SEMA3A: variants seen among roughly 807,000 people sequenced by gnomAD.
SEMA3A encodes the protein semaphorin 3A.
A neutral mutation model predicts 97.9 loss-of-function variants in SEMA3A; 29 were observed. The ratio of observed to expected loss-of-function variants is 0.30; its 90% CI spans 0.22 to 0.40. SEMA3A has a LOEUF of 0.40. Ranked by LOEUF, SEMA3A falls within the 10% of genes least tolerant of loss-of-function variation. The pLI is 1.00. For missense variants in SEMA3A, 763 were observed against 951.3 expected (o/e 0.80, Z 2.60); for synonymous variants, 321 against 323.7 (o/e 0.99, Z 0.09).
chr7:84,389,605 T>C (rs574158929), intron 1 of SEMA3A, among the ~76,000 whole-genome samples: 90 of 152,176 alleles, frequency 5.9e-4, no homozygotes, highest in South Asian at 1.0e-3. Context: ...ATCCTAAACA[T>C]ACCTGCTAAA....
chr7:84,074,225 T>C (rs888903160), intron 4 of SEMA3A, among the ~76,000 whole-genome samples: 1 of 152,156 alleles, frequency 6.6e-6, no homozygotes, highest in Non-Finnish European at 1.5e-5. Flanking sequence ...CTGTATGAAA[T>C]TTCCTTACTT....
intron 3 of SEMA3A, among the ~76,000 whole-genome samples, chr7:84,258,073 T>C (rs1449601719): frequency 6.6e-6 from 1 of 152,206 alleles, no homozygotes; most frequent in African/African-American, 2.4e-5. Flanking sequence ...TGTCTTCGTG[T>C]TCAAAGACTC....
At chr7:83,964,356 T>C (rs1225706266) in intron 15 of SEMA3A, among the ~76,000 whole-genome samples, 1 of 152,146 alleles carries the variant, frequency 6.6e-6, no homozygotes, top group Non-Finnish European at 1.5e-5. Context: ...AGATGAAAAA[T>C]TTTTGCTCTC....
upstream of SEMA3A, among the ~76,000 whole-genome samples, chr7:84,196,732 G>A (rs1470059486): frequency 6.6e-6 from 1 of 152,020 alleles, no homozygotes; most frequent in African/African-American, 2.4e-5. Context: ...ATTCTGCAGA[G>A]GAATTCATGT....
chr7:84,367,168 G>A (rs1393973483), intron 2 of SEMA3A, among the ~76,000 whole-genome samples: 2 of 151,232 alleles, frequency 1.3e-5, no homozygotes, highest in Non-Finnish European at 1.5e-5. Context: ...GTAGAAGTAA[G>A]AAAGACATTT....
chr7:83,979,096 A>T (rs1165764560), intron 14 of SEMA3A, among the ~76,000 whole-genome samples: 1 of 152,000 alleles, frequency 6.6e-6, no homozygotes, highest in Non-Finnish European at 1.5e-5. Flanking sequence ...CACATGAAGA[A>T]GAAATAATAC....
intron 1 of SEMA3A, among the ~76,000 whole-genome samples, chr7:84,388,365 A>T (rs1803453975): frequency 6.6e-6 from 1 of 151,928 alleles, no homozygotes; most frequent in Non-Finnish European, 1.5e-5. Context: ...CTTTTTGAAG[A>T]CTCAAAGAAT....
intron 15 of SEMA3A, among the ~76,000 whole-genome samples, chr7:83,972,578 A>G (rs1042397346): frequency 1.3e-5 from 2 of 152,116 alleles, no homozygotes; most frequent in African/African-American, 4.8e-5. Context: ...ATATGATGGG[A>G]GATGGAAAAC....
In SEMA3A at chr7:84,276,593, T is replaced by A. The variant is rs112554459; in HGVS notation, c.-83+30614A>T. Among the ~76,000 whole-genome samples the A allele has an allele frequency of 3.3e-5, 5 of 152,216 alleles. 1 individual carries two copies. The highest frequency in any genetic ancestry group is 1.2e-4 in the African/African-American group (5 of 41,566). ...AATTTTAAAACAATTTAATTTCAAA[T>A]AGCACTGATTATTTTAATTTGATTT... On this transcript the variant is annotated intron_variant, in intron 3 of 3. Transcript: ENST00000424555.
At chr7:84,331,117 ACTATT>A (rs1801900551) in intron 2 of SEMA3A, among the ~76,000 whole-genome samples, 1 of 152,104 alleles carries the variant, frequency 6.6e-6, no homozygotes, top group Non-Finnish European at 1.5e-5. Flanking sequence ...TCTTTTTTGA[ACTATT>A]GATTGCTTTT....
intron 3 of SEMA3A, among the ~76,000 whole-genome samples, chr7:84,300,442 T>C (rs1451485070): frequency 1.3e-5 from 2 of 152,052 alleles, no homozygotes; most frequent in South Asian, 2.1e-4. Context: ...GTGATAAAAA[T>C]AAAATTCTAA....
rs1793320240 is a variant in SEMA3A at position 84,063,140 on chromosome 7, CA to C, written c.454-2583del. ...ACCCCTAAGCAACCTAACTGTGAGGCACCCCCAAGCAGGGGCACACTGACAC... is the reference window on the plus strand; with the variant it reads ...ACCCCTAAGCAACCTAACTGTGAGGCCCCCCAAGCAGGGGCACACTGACAC... On this transcript the variant is annotated intron_variant, in intron 4 of 16. Transcript: ENST00000265362. 1.3e-5 allele frequency among the ~76,000 whole-genome samples: 2 copies of C among 152,000 alleles called. 1 individual carries two copies. Among genetic ancestry groups the C allele is most frequent in the African/African-American group, 4.8e-5 (2 of 41,402 alleles).
intron 3 of SEMA3A, among the ~76,000 whole-genome samples, chr7:84,291,135 A>T (rs1446621493): frequency 6.6e-6 from 1 of 152,100 alleles, no homozygotes; most frequent in Non-Finnish European, 1.5e-5. Context: ...TTACCTTGGA[A>T]TGATTTTTGT....
At chr7:84,338,254 T>C (rs1802084605) in intron 2 of SEMA3A, among the ~76,000 whole-genome samples, 2 of 152,000 alleles carry the variant, frequency 1.3e-5, no homozygotes, top group African/African-American at 4.8e-5. Context: ...CAAATTATGT[T>C]CTTATGTAAT....
intron 5 of SEMA3A, among the ~76,000 whole-genome samples, chr7:84,051,447 T>G (rs1334204251): frequency 6.6e-6 from 1 of 152,224 alleles, no homozygotes; most frequent in African/African-American, 2.4e-5. Flanking sequence ...GTTGGATTCC[T>G]AGGTATTTTA....
At chr7:84,292,326 A>C (rs897266934) in intron 3 of SEMA3A, among the ~76,000 whole-genome samples, 9 of 151,966 alleles carry the variant, frequency 5.9e-5, no homozygotes, top group Admixed American at 3.9e-4. Flanking sequence ...ACTATGGCAC[A>C]TGGTTTTATT....
intron 6 of SEMA3A, among the ~76,000 whole-genome samples, chr7:84,029,955 C>A (rs1332295324): frequency 6.6e-6 from 1 of 151,838 alleles, no homozygotes; most frequent in African/African-American, 2.4e-5. Flanking sequence ...AAAAGATGAT[C>A]GTCTTTTTAC....
chr7:84,102,922 T>C (rs1269801529), intron 4 of SEMA3A, among the ~76,000 whole-genome samples: 1 of 152,054 alleles, frequency 6.6e-6, no homozygotes, highest in Non-Finnish European at 1.5e-5. Context: ...AGGTGTCTTC[T>C]AGCATGCTGT....
chr7:84,381,207 G>A (rs1024698510), intron 1 of SEMA3A, among the ~76,000 whole-genome samples: 4 of 152,116 alleles, frequency 2.6e-5, no homozygotes, highest in African/African-American at 9.7e-5. Context: ...TCTAATTTGG[G>A]TGTGGAGATT....
Sources: allele counts gnomAD v4.1 joint callset (sites outside exome capture counted in the v4.1 genomes callset), GRCh38; gene constraint gnomAD v4.1.1; transcripts MANE v1.5; gene names NCBI Gene and HGNC (gene_info 2026-07-23, HGNC 2026-07-21).